The following MAML2 variants were observed in gnomAD, a reference collection of about 807,000 sequenced individuals.
MAML2 encodes mastermind-like protein 2.
A neutral mutation model predicts 96.1 loss-of-function variants in MAML2; 22 were observed. The ratio of observed to expected loss-of-function variants is 0.23; its 90% CI spans 0.16 to 0.33. The LOEUF (loss-of-function observed/expected upper bound fraction) is 0.33. MAML2 is among the 10% of genes least tolerant of loss of function. The pLI is 1.00. For synonymous variants in MAML2, 561 were observed against 521.3 expected (o/e 1.08, Z -1.04); for missense variants, 1,367 against 1,392.4 (o/e 0.98, Z 0.29).
intron 1 of MAML2, among the ~76,000 whole-genome samples, chr11:96,193,985 C>T (rs916061456): frequency 2.0e-5 from 3 of 152,228 alleles, no homozygotes; most frequent in African/African-American, 7.2e-5. Flanking sequence ...CTCCTACTAT[C>T]AAGATCCAAG....
chr11:96,146,955 T>C (rs1377139750), intron 1 of MAML2, among the ~76,000 whole-genome samples: 1 of 152,210 alleles, frequency 6.6e-6, no homozygotes, highest in Admixed American at 6.5e-5. Context: ...TGAAAGGCCA[T>C]GTGATCTCCT....
chr11:96,167,347 G>C (rs1861210784), intron 1 of MAML2, among the ~76,000 whole-genome samples: 1 of 152,044 alleles, frequency 6.6e-6, no homozygotes, highest in African/African-American at 2.4e-5. Flanking sequence ...TTCCTAGCTG[G>C]CCTTCCTCCT....
chr11:95,988,113 ATGTGTGTG>A (rs141507951), intron 3 of MAML2, among the ~76,000 whole-genome samples: 3 of 145,378 alleles, frequency 2.1e-5, no homozygotes, highest in Non-Finnish European at 3.0e-5. Flanking sequence ...TGAAGACAGG[ATGTGTGTG>A]TGTGTGTGTG....
intron 1 of MAML2, among the ~76,000 whole-genome samples, chr11:96,229,543 T>C (rs1345417561): frequency 6.7e-6 from 1 of 148,296 alleles, no homozygotes. Flanking sequence ...CTAGTCTTTC[T>C]AACCAGACTG....
chr11:96,241,641 T>G (rs142845289), intron 1 of MAML2, among the ~76,000 whole-genome samples: 94 of 152,284 alleles, frequency 6.2e-4, no homozygotes, highest in African/African-American at 2.2e-3. Flanking sequence ...ATAACAGGTA[T>G]TGCCTGTGAA....
Position 96,342,379 on chromosome 11 carries a change from A to T in MAML2, c.-484T>A, listed in dbSNP as rs78594006. 1,731 of 399,726 alleles carry T rather than the reference A, an allele frequency of 4.3e-3. 25 individuals are homozygous for T. The highest frequency in any genetic ancestry group is 0.033 in the African/African-American group (1,606 of 48,714). The allele number at this position is 399,726 out of a possible 1,614,324, so 24.8% of individuals were successfully genotyped here. A position where few individuals can be genotyped will look rare whatever the true frequency, so the allele number is the denominator to read the frequency against. On this transcript the variant is annotated 5_prime_UTR_variant, in exon 1 of 5. Transcript: ENST00000524717. The stretch of plus-strand genomic sequence containing the variant: ...TTGTTTCCGACAATTCTTTATGGGG[A>T]TGTTTCTGCAGAGAAACACATTTCT...
chr11:96,017,237 C>T (rs568147978), intron 2 of MAML2, among the ~76,000 whole-genome samples: 11 of 152,170 alleles, frequency 7.2e-5, no homozygotes, highest in African/African-American at 2.7e-4. Flanking sequence ...TAGTAAATGG[C>T]GAATCTAAAT....
intron 1 of MAML2, among the ~76,000 whole-genome samples, chr11:96,269,294 G>C (rs114771145): frequency 6.9e-6 from 1 of 144,010 alleles, no homozygotes; most frequent in African/African-American, 2.7e-5. Flanking sequence ...AGATTTCTAT[G>C]GTAGAAAGTC....
chr11:96,260,234 G>A (rs1247186934), intron 1 of MAML2, among the ~76,000 whole-genome samples: 3 of 151,974 alleles, frequency 2.0e-5, no homozygotes, highest in African/African-American at 7.3e-5. Context: ...GAAGGATGGT[G>A]GTAGAGCAGA....
chr11:96,129,951 T>C (rs2135854900), intron 1 of MAML2, among the ~76,000 whole-genome samples: 1 of 152,372 alleles, frequency 6.6e-6, no homozygotes, highest in East Asian at 1.9e-4. Context: ...GGCTAAGAAC[T>C]ACTAGGTATA....
intron 2 of MAML2, among the ~76,000 whole-genome samples, chr11:96,076,800 A>T (rs566175961): frequency 6.6e-6 from 1 of 152,356 alleles, no homozygotes; most frequent in East Asian, 1.9e-4. Context: ...GCCACAGCTC[A>T]TACTTCTTGC....
At chr11:96,307,878 GAACT>G (rs1265443714) in intron 1 of MAML2, among the ~76,000 whole-genome samples, 1 of 152,138 alleles carries the variant, frequency 6.6e-6, no homozygotes, top group Non-Finnish European at 1.5e-5. Flanking sequence ...TTCAGGAACA[GAACT>G]AATAGTGAAC....
intron 1 of MAML2, among the ~76,000 whole-genome samples, chr11:96,098,302 A>G (rs1377757087): frequency 4.6e-5 from 7 of 152,220 alleles, no homozygotes; most frequent in African/African-American, 1.7e-4. Flanking sequence ...ACCATATCCT[A>G]TCAAATCATC....
chr11:96,340,743 G>A (rs1349130782), intron 1 of MAML2, among the ~76,000 whole-genome samples: 3 of 152,204 alleles, frequency 2.0e-5, no homozygotes, highest in African/African-American at 7.2e-5. Flanking sequence ...TGGCTCAGGA[G>A]TGAGAGAGTC....
intron 2 of MAML2, among the ~76,000 whole-genome samples, chr11:96,078,504 A>G (rs964301702): frequency 1.3e-5 from 2 of 152,322 alleles, no homozygotes; most frequent in South Asian, 2.1e-4. Context: ...TCAACACTCA[A>G]AATCAGAGAC....
At chr11:96,171,181 C>G (rs923794521) in intron 1 of MAML2, among the ~76,000 whole-genome samples, 1 of 152,038 alleles carries the variant, frequency 6.6e-6, no homozygotes. Context: ...GAGTAAAAAC[C>G]ATTGGAGGGA....
rs1319161873 is a variant in MAML2, at chr11:95,977,470, G to C, written c.*1478C>G. ...TCTTTGAACAGATATTGAAAGACTT[G>C]ATTATTAAATAACTTCAGCTAAATT... On this transcript the variant is annotated 3_prime_UTR_variant, in exon 5 of 5. Coordinates refer to ENST00000524717, the MANE Select transcript of MAML2 (RefSeq NM_032427.4). The C allele has an allele frequency of 2.1e-5, 4 of 192,358 alleles. No individual in the cohort carries two copies. Among genetic ancestry groups the C allele is most frequent in the Non-Finnish European group, 1.1e-5 (1 of 92,056 alleles). 11.9% of individuals were successfully genotyped at this position (192,358 alleles called of 1,614,324 possible).
At chr11:96,029,028 G>C (rs771843358) in intron 2 of MAML2, among the ~76,000 whole-genome samples, 26 of 152,094 alleles carry the variant, frequency 1.7e-4, no homozygotes, top group Non-Finnish European at 2.9e-4. Context: ...GTACTCTCCA[G>C]GCCCCACTCA....
intron 2 of MAML2, among the ~76,000 whole-genome samples, chr11:96,043,127 T>C (rs1258889591): frequency 1.3e-5 from 2 of 152,332 alleles, no homozygotes; most frequent in African/African-American, 4.8e-5. Context: ...ACCATCTTTA[T>C]CTTAGATCAG....
Sources: gnomAD v4.1 joint callset for allele counts (sites outside exome capture counted in the v4.1 genomes callset) on GRCh38, gnomAD v4.1.1 for gene constraint, MANE v1.5 for transcripts, NCBI Gene and HGNC (gene_info 2026-07-23, HGNC 2026-07-21) for gene names.